The following CADM2 variants were observed in gnomAD, a reference collection of about 807,000 sequenced individuals.
The protein encoded by CADM2 is cell adhesion molecule 2.
In CADM2, 12 loss-of-function variants were observed where a neutral mutation model predicts 49.8. That is an observed-to-expected ratio of 0.24 (90% confidence interval 0.15 to 0.39). The LOEUF is 0.39. CADM2 is among the 10% of genes least tolerant of loss of function. The pLI is 1.00. For synonymous variants in CADM2, 214 were observed against 175.4 expected, an observed-to-expected ratio of 1.22 and a Z score of -1.74; for missense variants, 378 against 492.3, an observed-to-expected ratio of 0.77 and a Z score of 2.20.
intron 1 of CADM2, among the ~76,000 whole-genome samples, chr3:85,022,817 T>C (rs1180587897): frequency 6.6e-6 from 1 of 152,146 alleles, no homozygotes; most frequent in African/African-American, 2.4e-5. Flanking sequence ...CACAAAATAA[T>C]ACTCCTCATC....
intron 1 of CADM2, among the ~76,000 whole-genome samples, chr3:85,254,127 T>C (rs145409792): frequency 1.3e-3 from 196 of 152,236 alleles, no homozygotes; most frequent in African/African-American, 4.2e-3. Context: ...TGGGTTTAAT[T>C]TGCTAGAGTA....
intron 1 of CADM2, among the ~76,000 whole-genome samples, chr3:85,579,959 G>A (rs2062748186): frequency 6.6e-6 from 1 of 152,128 alleles, no homozygotes; most frequent in African/African-American, 2.4e-5. Context: ...ATGGGAAGAA[G>A]TCATGACACA....
intron 8 of CADM2, among the ~76,000 whole-genome samples, chr3:85,968,417 G>A (rs1485740430): frequency 6.6e-6 from 1 of 151,658 alleles, no homozygotes; most frequent in Non-Finnish European, 1.5e-5. Context: ...TCTGTTTTAA[G>A]ATGAGCATAA....
chr3:85,504,296 T>C (rs1226718895), intron 1 of CADM2, among the ~76,000 whole-genome samples: 1 of 151,484 alleles, frequency 6.6e-6, no homozygotes, highest in East Asian at 1.9e-4. Flanking sequence ...TCTCGCTGGC[T>C]TCAGGAGTGA....
intron 1 of CADM2, among the ~76,000 whole-genome samples, chr3:85,400,658 TC>T (rs2035055809): frequency 6.6e-6 from 1 of 152,230 alleles, no homozygotes; most frequent in Admixed American, 6.5e-5. Flanking sequence ...GGATTCAACT[TC>T]TTCCTGGTTT....
chr3:85,394,273 T>C (rs1169942268), intron 1 of CADM2, among the ~76,000 whole-genome samples: 1 of 152,152 alleles, frequency 6.6e-6, no homozygotes, highest in Non-Finnish European at 1.5e-5. Context: ...GAGTTTTCCA[T>C]TGACATTAAT....
At chr3:85,244,228 A>C (rs2042597891) in intron 1 of CADM2, among the ~76,000 whole-genome samples, 1 of 152,146 alleles carries the variant, frequency 6.6e-6, no homozygotes, top group Non-Finnish European at 1.5e-5. Flanking sequence ...ATCATAACAA[A>C]TAGTATGGCA....
At chr3:85,684,110 A>T (rs1240292429) in intron 1 of CADM2, among the ~76,000 whole-genome samples, 1 of 152,232 alleles carries the variant, frequency 6.6e-6, no homozygotes, top group Non-Finnish European at 1.5e-5. Context: ...TGAAGCTCAC[A>T]TATGATATGT....
At chr3:85,183,843 T>G (rs895606434) in intron 1 of CADM2, among the ~76,000 whole-genome samples, 1 of 152,098 alleles carries the variant, frequency 6.6e-6, no homozygotes, top group African/African-American at 2.4e-5. Flanking sequence ...GATGATAATG[T>G]AAGAGAATGA....
At chr3:85,628,271 C>T (rs1044753848) in intron 1 of CADM2, among the ~76,000 whole-genome samples, 1 of 151,918 alleles carries the variant, frequency 6.6e-6, no homozygotes, top group East Asian at 1.9e-4. Context: ...CTGTTACTTG[C>T]AGCTCTGTTT....
intron 2 of CADM2, among the ~76,000 whole-genome samples, chr3:85,771,415 T>C (rs2070079296): frequency 6.6e-6 from 1 of 152,134 alleles, no homozygotes; most frequent in African/African-American, 2.4e-5. Context: ...TCAGTATTTT[T>C]CTACTATTTG....
intron 1 of CADM2, among the ~76,000 whole-genome samples, chr3:85,493,871 G>A (rs1165638649): frequency 6.6e-6 from 1 of 152,136 alleles, no homozygotes; most frequent in African/African-American, 2.4e-5. Context: ...TCTCCTATCT[G>A]ATAAAATAGA....
chr3:85,258,402 C>T (rs930805652), intron 1 of CADM2, among the ~76,000 whole-genome samples: 11 of 151,908 alleles, frequency 7.2e-5, no homozygotes, highest in African/African-American at 2.7e-4. Context: ...GAAAAGCCTG[C>T]TACTGACTGG....
chr3:85,547,179 T>C (rs533700023), intron 1 of CADM2, among the ~76,000 whole-genome samples: 1 of 152,072 alleles, frequency 6.6e-6, no homozygotes, highest in Admixed American at 6.5e-5. Flanking sequence ...GAAAACTGCA[T>C]TTTTTCAGGC....
chr3:85,493,514 G>C (rs1403379910), intron 1 of CADM2, among the ~76,000 whole-genome samples: 5 of 152,100 alleles, frequency 3.3e-5, no homozygotes, highest in African/African-American at 1.2e-4. Flanking sequence ...GTTAAAAGTA[G>C]AACTTCTTCC....
chr3:85,318,933 G>A (rs946892927), intron 1 of CADM2, among the ~76,000 whole-genome samples: 23 of 152,104 alleles, frequency 1.5e-4, no homozygotes, highest in Admixed American at 2.6e-4. Context: ...TTATTAATGT[G>A]ACAACGTTCG....
chr3:85,679,927 GA>G (rs2065992807), intron 1 of CADM2, among the ~76,000 whole-genome samples: 1 of 151,994 alleles, frequency 6.6e-6, no homozygotes, highest in African/African-American at 2.4e-5. Context: ...GCTATATGAA[GA>G]ATTCAGATGA....
At chr3:85,153,327 T>C (rs1222459237) in intron 1 of CADM2, among the ~76,000 whole-genome samples, 1 of 152,202 alleles carries the variant, frequency 6.6e-6, no homozygotes, top group Non-Finnish European at 1.5e-5. Flanking sequence ...GGGTGGCAGA[T>C]GGCACCTGGA....
rs529202259 is a variant in CADM2, at chr3:85,703,835, A to G, written c.62-22687A>G. Among the ~76,000 whole-genome samples the G allele has an allele frequency of 6.8e-4, 104 of 152,300 alleles. 1 individual carries two copies. The Middle Eastern group carries it at 0.014, about 20-fold the overall frequency. On this transcript the variant is annotated intron_variant, in intron 1 of 9. Transcript: ENST00000383699. ...ACATTCAACAGGAACTGAACTGGCC[A>G]GAATCCTCATGTCTCACCCCCATAC...
Sources: gnomAD v4.1 joint callset for allele counts (sites outside exome capture counted in the v4.1 genomes callset) on GRCh38, gnomAD v4.1.1 for gene constraint, MANE v1.5 for transcripts, NCBI Gene and HGNC (gene_info 2026-07-23, HGNC 2026-07-21) for gene names.